Variants in NAALADL2 observed in about 807,000 individuals in gnomAD.
NAALADL2 encodes the protein inactive N-acetylated-alpha-linked acidic dipeptidase-like protein 2.
NAALADL2 carries 76 observed loss-of-function variants against 87.2 expected under a neutral mutation model. The ratio of observed to expected loss-of-function variants is 0.87; its 90% confidence interval spans 0.72 to 1.05. The LOEUF (loss-of-function observed/expected upper bound fraction) is 1.05, where lower values mean the gene tolerates loss of function less well. NAALADL2 is among the 50% of genes least tolerant of loss of function. The pLI is 0.00. For synonymous variants in NAALADL2, 354 were observed against 331.0 expected (o/e 1.07, Z -0.75); for missense variants, 1,089 against 945.8 (o/e 1.15, Z -1.99).
intron 4 of NAALADL2, among the ~76,000 whole-genome samples, chr3:175,300,051 G>A (rs1424369314): frequency 6.6e-6 from 1 of 152,128 alleles, no homozygotes. Flanking sequence ...TAATCATGTG[G>A]TTTTTGTCAT....
intron 3 of NAALADL2, among the ~76,000 whole-genome samples, chr3:174,763,637 A>AT (rs1713385153): frequency 6.8e-6 from 1 of 146,986 alleles, no homozygotes; most frequent in Non-Finnish European, 1.5e-5. Flanking sequence ...TCACCAACTC[A>AT]TTTTTTGATT....
At chr3:175,047,446 T>C (rs2109001867) in intron 1 of NAALADL2, among the ~76,000 whole-genome samples, 1 of 152,342 alleles carries the variant, frequency 6.6e-6, no homozygotes, top group South Asian at 2.1e-4. Context: ...TTCAAACATT[T>C]ATTTATGGTA....
At chr3:174,564,065 T>C (rs1330771172) in intron 2 of NAALADL2, among the ~76,000 whole-genome samples, 2 of 152,198 alleles carry the variant, frequency 1.3e-5, no homozygotes, top group African/African-American at 4.8e-5. Context: ...ATGTTCTACC[T>C]AGGTATGCCT....
intron 1 of NAALADL2, among the ~76,000 whole-genome samples, chr3:174,882,926 TG>T (rs1439976967): frequency 6.6e-6 from 1 of 151,166 alleles, no homozygotes; most frequent in Non-Finnish European, 1.5e-5. Context: ...TGTATATATA[TG>T]TATATATATG....
At chr3:175,472,596 G>A (rs2149295905) in intron 9 of NAALADL2, among the ~76,000 whole-genome samples, 1 of 152,278 alleles carries the variant, frequency 6.6e-6, no homozygotes, top group Non-Finnish European at 1.5e-5. Context: ...TAGACAAAGA[G>A]AGAGGCAATG....
intron 5 of NAALADL2, among the ~76,000 whole-genome samples, chr3:175,414,984 C>CTT (rs1299429863): frequency 6.6e-6 from 1 of 152,134 alleles, no homozygotes; most frequent in Non-Finnish European, 1.5e-5. Context: ...AAAGAAAACA[C>CTT]TTTTAAGTAG....
chr3:174,812,690 A>G (rs957685189), intron 3 of NAALADL2, among the ~76,000 whole-genome samples: 4 of 152,024 alleles, frequency 2.6e-5, no homozygotes, highest in African/African-American at 9.7e-5. Flanking sequence ...CAGTGAGACA[A>G]GATGCATGGG....
At chr3:175,471,195 A>T (rs780389263) in intron 8 of NAALADL2, among the ~76,000 whole-genome samples, 1 of 152,090 alleles carries the variant, frequency 6.6e-6, no homozygotes, top group African/African-American at 2.4e-5. Flanking sequence ...TTTTTAAGAA[A>T]GAAATTATGG....
intron 1 of NAALADL2, among the ~76,000 whole-genome samples, chr3:174,871,882 G>A (rs561320449): frequency 6.6e-6 from 1 of 151,958 alleles, no homozygotes; most frequent in East Asian, 1.9e-4. Context: ...CGGGGTGACA[G>A]AACCAGACTC....
At chr3:175,447,122 T>G in intron 5 of NAALADL2, 107 bp from the exon 6 acceptor site, 1 of 679,804 alleles carries the variant, frequency 1.5e-6, no homozygotes, top group Non-Finnish European at 2.4e-6. Context: ...AGTGAATGAA[T>G]ATAAACTTAC....
intron 2 of NAALADL2, among the ~76,000 whole-genome samples, chr3:175,119,807 C>CTA (rs201153636): frequency 0.17 from 24,462 of 144,128 alleles, 2,462 homozygotes; most frequent in African/African-American, 0.28. Context: ...ACTTATGTAT[C>CTA]TATATATAAA....
intron 5 of NAALADL2, among the ~76,000 whole-genome samples, chr3:175,405,088 G>A (rs1712071777): frequency 6.6e-6 from 1 of 152,052 alleles, no homozygotes; most frequent in African/African-American, 2.4e-5. Flanking sequence ...TGTAACTCAT[G>A]AATATATAGA....
chr3:175,067,409 C>A (rs1350576460), intron 1 of NAALADL2, among the ~76,000 whole-genome samples: 5 of 151,962 alleles, frequency 3.3e-5, no homozygotes, highest in African/African-American at 1.2e-4. Flanking sequence ...CAAACAACAA[C>A]AACAGACATT....
At chr3:175,531,989 G>T (rs1025361940) in intron 9 of NAALADL2, among the ~76,000 whole-genome samples, 4 of 152,100 alleles carry the variant, frequency 2.6e-5, no homozygotes, top group African/African-American at 9.7e-5. Context: ...CTAAATAGAG[G>T]CAGCTCTAAA....
intron 2 of NAALADL2, among the ~76,000 whole-genome samples, chr3:174,635,094 G>A (rs1722499807): frequency 1.3e-5 from 2 of 152,182 alleles, no homozygotes; most frequent in African/African-American, 2.4e-5. Context: ...CTTTGAACAT[G>A]TAAACATTTG....
chr3:174,729,315 C>T (rs1732484634), intron 2 of NAALADL2, among the ~76,000 whole-genome samples: 1 of 151,954 alleles, frequency 6.6e-6, no homozygotes, highest in Non-Finnish European at 1.5e-5. Flanking sequence ...TATAAAAGGT[C>T]AAGAGGCAGA....
intron 1 of NAALADL2, among the ~76,000 whole-genome samples, chr3:174,497,059 TAG>T (rs1216778362): frequency 2.0e-5 from 3 of 152,214 alleles, no homozygotes; most frequent in Admixed American, 6.5e-5. Context: ...AATTCCTAAC[TAG>T]AGTCTTGTAG....
chr3:175,110,061 A>G (rs2108488625), intron 2 of NAALADL2, among the ~76,000 whole-genome samples: 1 of 151,990 alleles, frequency 6.6e-6, no homozygotes, highest in Non-Finnish European at 1.5e-5. Context: ...CCTCACTTCT[A>G]AGGATTGCCT....
chr3:174,820,160 C>T (rs895479049), intron 3 of NAALADL2, among the ~76,000 whole-genome samples: 1 of 152,096 alleles, frequency 6.6e-6, no homozygotes, highest in Non-Finnish European at 1.5e-5. Context: ...CACTCTGCCA[C>T]AATACATAGA....
Sources: allele counts gnomAD v4.1 joint callset (sites outside exome capture counted in the v4.1 genomes callset), GRCh38; gene constraint gnomAD v4.1.1; transcripts MANE v1.5; gene names NCBI Gene and HGNC (gene_info 2026-07-23, HGNC 2026-07-21).